The following CREBBP variants were observed in gnomAD, a reference collection of about 807,000 sequenced individuals.
CREBBP encodes the protein CREB-binding protein.
In CREBBP, 19 loss-of-function variants were observed where a neutral mutation model predicts 265.0. That is an observed-to-expected ratio of 0.07 (90% CI 0.05 to 0.11). CREBBP has a LOEUF of 0.11. Among genes scored for constraint, CREBBP ranks in the 10% least tolerant of loss-of-function variants. The pLI is 1.00. For missense variants in CREBBP, 2,525 were observed against 3,219.0 expected (o/e 0.78, Z 5.22); for synonymous variants, 1,457 against 1,223.7 (o/e 1.19, Z -3.98).
At chr16:3,795,478 C>T (rs2053590426) in intron 3 of CREBBP, among the ~76,000 whole-genome samples, 1 of 152,048 alleles carries the variant, frequency 6.6e-6, no homozygotes, top group Non-Finnish European at 1.5e-5. Flanking sequence ...GTGTTTTTTC[C>T]ATGTTCTGCC....
At chr16:3,759,715 TA>T (rs755825387) in intron 16 of CREBBP, among the ~76,000 whole-genome samples, 1 of 152,100 alleles carries the variant, frequency 6.6e-6, no homozygotes, top group Non-Finnish European at 1.5e-5. Context: ...ATGTAAACAG[TA>T]ATAGAGCTAC....
In CREBBP at chr16:3,725,716, C is replaced by T. The variant is rs1635400; in HGVS notation, c.*2002G>A. On this transcript the variant is annotated 3_prime_UTR_variant, in exon 31 of 31. Coordinates refer to ENST00000262367, the MANE Select transcript of CREBBP (RefSeq NM_004380.3). ...CTAAAACTAGATCGGACCTTTCCAA[C>T]TTCTTAGAAAGGTTCCTCGAATTCA... The T allele has an allele frequency of 0.99, 230,276 of 233,314 alleles. 113,700 individuals are homozygous for T. The highest frequency in any genetic ancestry group is 1 in the East Asian group (16,596 of 16,596). The allele number at this position is 233,314 out of a possible 1,614,324, so 14.5% of individuals were successfully genotyped here.
rs1471574339 is a variant in CREBBP at position 3,729,386 on chromosome 16, T to A, written c.5661A>T (p.Ser1887=). ...GCTGTGTGGGGGTCCCGGGCGGTGCTGAGGTAGGAGAAGGCAGACTCTGCT... is the reference window on the plus strand; with the variant it reads ...GCTGTGTGGGGGTCCCGGGCGGTGCAGAGGTAGGAGAAGGCAGACTCTGCT... ...VPQQSLPSPT[S]APPGTPTQQP... Residue 1887 remains serine, a synonymous_variant, in exon 31 of 31, where the codon TCA becomes TCT. Transcript: ENST00000262367. The A allele has an allele frequency of 6.2e-7, 1 of 1,610,732 alleles. No individual in the cohort carries two copies. The highest frequency in any genetic ancestry group is 8.5e-7 in the Non-Finnish European group (1 of 1,179,794).
chr16:3,729,005 G>A lies in CREBBP; in HGVS notation c.6042C>T (p.Pro2014=), dbSNP rs1475335310. 1.3e-6 allele frequency: 2 copies of A among 1,593,216 alleles called. No homozygotes were observed. Among genetic ancestry groups the A allele is most frequent in the Non-Finnish European group, 1.7e-6 (2 of 1,175,372 alleles). ...GCTGCCACTGCCCGGGAGGCATGCT[G>A]GGCATGACGGGCCCGCTCACCTGGT... The part of the protein sequence containing the change: ...RPNQVSGPVM[P]SMPPGQWQQA... The change falls in exon 31 of 31, where the codon CCC becomes CCT. Residue 2014 remains proline (P), a synonymous_variant. Transcript: ENST00000262367.
chr16:3,751,871 G>A lies in CREBBP; in HGVS notation c.3699-65C>T, dbSNP rs1234215986. 1.2e-5 allele frequency: 18 copies of A among 1,511,496 alleles called. No individual in the cohort carries two copies. The Admixed American group carries it at 1.7e-4, about 14-fold the overall frequency. 93.6% of individuals were successfully genotyped at this position (1,511,496 alleles called of 1,614,324 possible). A position where few individuals can be genotyped will look rare whatever the true frequency, so the allele number is the denominator to read the frequency against. On this transcript the variant is annotated intron_variant, in intron 19 of 30. Transcript: ENST00000262367. ...CATAACACACAGCCACCCAAGCAAC[G>A]AAGCCACCAATCAGAGCAGGGCAGA...
At chr16:3,798,589 T>A (rs754434181) in intron 3 of CREBBP, among the ~76,000 whole-genome samples, 2 of 152,196 alleles carry the variant, frequency 1.3e-5, no homozygotes, top group Non-Finnish European at 2.9e-5. Context: ...TGAACCTTAT[T>A]AGCCATTAGG....
chr16:3,852,079 T>C (rs565450709), intron 1 of CREBBP, among the ~76,000 whole-genome samples: 115 of 90,652 alleles, frequency 1.3e-3, no homozygotes, highest in Non-Finnish European at 2.1e-3. Flanking sequence ...AAAAAAAGAA[T>C]GTATGTGTGT....
intron 3 of CREBBP, among the ~76,000 whole-genome samples, chr16:3,807,379 C>A (rs2053851446): frequency 6.6e-6 from 1 of 152,062 alleles, no homozygotes. Flanking sequence ...TTGGGTACCC[C>A]CTAAAGCATG....
rs1206435964 is a variant in CREBBP at position 3,782,942 on chromosome 16, G to T, written c.1331-16C>A. 3 of 1,614,018 alleles carry T rather than the reference G, an allele frequency of 1.9e-6. No homozygotes were observed. In the South Asian group the frequency reaches 3.3e-5, roughly 18 times the overall value. Reference sequence around the variant, plus strand: ...CCCAGGATGGCTATAACGACAAACAGACAGACAGACAAAAACGAGAGGTAA... The same window carrying T: ...CCCAGGATGGCTATAACGACAAACATACAGACAGACAAAAACGAGAGGTAA... On this transcript the variant is annotated splice_polypyrimidine_tract_variant and intron_variant, in intron 5 of 30. Coordinates refer to ENST00000262367, the MANE Select transcript of CREBBP (RefSeq NM_004380.3).
At chr16:3,773,297 T>C (rs760147047) in intron 13 of CREBBP, among the ~76,000 whole-genome samples, 2 of 152,214 alleles carry the variant, frequency 1.3e-5, no homozygotes, top group East Asian at 1.9e-4. Context: ...AAGGGAACTA[T>C]TGAAATGATT....
intron 5 of CREBBP, among the ~76,000 whole-genome samples, chr16:3,785,476 T>A (rs1456525653): frequency 6.6e-6 from 1 of 152,264 alleles, no homozygotes; most frequent in East Asian, 1.9e-4. Flanking sequence ...TCACGTTCCC[T>A]GTGCATCCCT....
rs775774642 is a variant in CREBBP, at chr16:3,749,656, C to G, written c.3807G>C (p.Lys1269Asn). The G allele has an allele frequency of 6.2e-7, 1 of 1,604,464 alleles. No individual in the cohort carries two copies. The highest frequency in any genetic ancestry group is 8.5e-7 in the Non-Finnish European group (1 of 1,172,106). ...CGGGGTCTAAGGTATCATTTTTCTT[C>G]TTTTCAAACTGATCCTTTGAAATTG... ...QTTISKDQFE[K>N]KKNDTLDPEP... Residue 1269 changes from lysine (K) to asparagine (N), a missense_variant, in exon 21 of 31, where the codon AAG (lysine) becomes AAC (asparagine). Lys to Asn is a moderately conservative substitution (Grantham distance 94). Around this residue, in one of 19 missense-constraint regions of CREBBP, gnomAD observed 252 missense variants for 452.5 expected, o/e 0.56. Coordinates refer to ENST00000262367, the MANE Select transcript of CREBBP (RefSeq NM_004380.3).
chr16:3,763,636 G>C, intron 16 of CREBBP, among the ~76,000 whole-genome samples: 1 of 151,662 alleles, frequency 6.6e-6, no homozygotes, highest in East Asian at 2.0e-4. Context: ...ACTAATTTTT[G>C]TATTTTTAGT....
At position 3,727,739 on chromosome 16, in the gene CREBBP, C is replaced by G. The variant is rs370168199; in HGVS notation, c.7308G>C (p.Glu2436Asp). 1 of 1,614,158 alleles carries G rather than the reference C, an allele frequency of 6.2e-7. No individual in the cohort carries two copies. Among genetic ancestry groups the G allele is most frequent in the Non-Finnish European group, 8.5e-7 (1 of 1,180,032 alleles). Residue 2436 changes from glutamate (E) to aspartate (D), a missense_variant, in exon 31 of 31, where the codon GAG becomes GAC. Around this residue, in one of 19 missense-constraint regions of CREBBP, gnomAD observed 473 missense variants for 459.3 expected, o/e 1.03. Transcript: ENST00000262367. ...LVGDTTGDTL[E>D]KFVEGL The stretch of plus-strand genomic sequence containing the variant: ...AATGCTACAAGCCCTCCACAAACTT[C>G]TCTAGCGTGTCCCCCGTGGTGTCCC...
intron 1 of CREBBP, among the ~76,000 whole-genome samples, chr16:3,865,873 T>C (rs1286863508): frequency 2.0e-5 from 3 of 152,248 alleles, no homozygotes; most frequent in East Asian, 1.9e-4. Context: ...CCTGACCTCA[T>C]GATCCATCAA....
chr16:3,851,575 C>T (rs1176161356), intron 1 of CREBBP, among the ~76,000 whole-genome samples: 1 of 152,082 alleles, frequency 6.6e-6, no homozygotes, highest in East Asian at 1.9e-4. Flanking sequence ...GTATGTGTGG[C>T]CGGGCATGGT....
rs925747261 is a variant in CREBBP, at chr16:3,732,663, G to T, written c.4729-726C>A. On this transcript the variant is annotated intron_variant, in intron 28 of 30. Transcript: ENST00000262367. ...GTGATTCTCCTGCCTCAGCCTCCTG[G>T]GTAGCTGGGATTATAGGCACCCGCC... 4.6e-5 allele frequency among the ~76,000 whole-genome samples: 7 copies of T among 151,944 alleles called. No homozygotes were observed. In the South Asian group the frequency reaches 1.5e-3, roughly 32 times the overall value.
chr16:3,731,685 C>A lies in CREBBP; in HGVS notation c.4890+91G>T. The A allele has an allele frequency of 6.4e-7, 1 of 1,573,042 alleles. No homozygotes were observed. The highest frequency in any genetic ancestry group is 1.1e-5 in the South Asian group (1 of 90,134). On this transcript the variant is annotated intron_variant, in intron 29 of 30. Coordinates refer to ENST00000262367, the MANE Select transcript of CREBBP (RefSeq NM_004380.3). This position sits in a 1 kb window ranked among gnomAD's most constrained non-coding sequence, Gnocchi z 7.7. ...CCTGGGGGCCACTTCCCTCCCACCA[C>A]AGACCTGCACACGGGCCCACGCCCG...
intron 12 of CREBBP, 135 bp downstream of exon 12, chr16:3,774,434 G>T: frequency 1.7e-6 from 2 of 1,182,996 alleles, no homozygotes; most frequent in Non-Finnish European, 2.5e-6. Flanking sequence ...AATGAGAGAT[G>T]AAAGAAATAA....
Sources: gnomAD v4.1 joint callset for allele counts (sites outside exome capture counted in the v4.1 genomes callset) on GRCh38, gnomAD v4.1.1 for gene constraint, gnomAD v4.1.1 regional missense constraint, Gnocchi (gnomAD v3.1) non-coding constraint, MANE v1.5 for transcripts, NCBI Gene and HGNC (gene_info 2026-07-23, HGNC 2026-07-21) for gene names.